The following ATP1A1 variants were observed in gnomAD, a reference collection of about 807,000 sequenced individuals.
ATP1A1 encodes sodium/potassium-transporting ATPase subunit alpha-1.
In ATP1A1, 14 loss-of-function variants were observed where a neutral mutation model predicts 114.8. The ratio of observed to expected loss-of-function variants is 0.12; its 90% CI spans 0.08 to 0.19. The LOEUF (loss-of-function observed/expected upper bound fraction) is 0.19, where lower values mean the gene tolerates loss of function less well. Among genes scored for constraint, ATP1A1 ranks in the 10% least tolerant of loss-of-function variants. The pLI is 1.00. For missense variants in ATP1A1, 524 were observed against 1,290.7 expected (o/e 0.41, Z 9.10); for synonymous variants, 471 against 466.3 (o/e 1.01, Z -0.13).
At position 116,395,516 on chromosome 1, in the gene ATP1A1, AAATGTAAGCAAAG is replaced by A. The variant is rs141038499; in HGVS notation, c.1836+232_1836+244del. ...TTTGGAAAGCAATTGTGTAAAAAAG[AAATGTAAGCAAAG>A]TAAAAACAGCAAAAGACTTGAAGTT... On this transcript the variant is annotated intron_variant, in intron 13 of 22. Transcript: ENST00000295598. The surrounding 1 kb of genome is among the most constrained non-coding windows in gnomAD (Gnocchi z 6.4). Among the ~76,000 whole-genome samples, 189 of 152,366 alleles carry A rather than the reference AAATGTAAGCAAAG, an allele frequency of 1.2e-3. 3 individuals carry two copies. The East Asian group carries it at 0.031, about 25-fold the overall frequency.
chr1:116,395,009 T>G lies in ATP1A1; in HGVS notation c.1661-101T>G, dbSNP rs1296110737. 30 of 1,260,598 alleles carry G rather than the reference T, an allele frequency of 2.4e-5. No homozygotes were observed. In the East Asian group the frequency reaches 7.5e-4, roughly 31 times the overall value. 78.1% of individuals were successfully genotyped at this position (1,260,598 alleles called of 1,614,324 possible). On this transcript the variant is annotated intron_variant, in intron 12 of 22. Transcript: ENST00000295598. This position sits in a 1 kb window ranked among gnomAD's most constrained non-coding sequence, Gnocchi z 6.4. ...TATAGACTTTAAAAATTTTCCAAAG[T>G]AAACACTCCAGAGAAAGGTAGGCGG...
In ATP1A1 at chr1:116,398,115, C is replaced by A; in HGVS notation, c.2124+77C>A. 6.4e-7 allele frequency: 1 copy of A among 1,563,212 alleles called. No homozygotes were observed. The highest frequency in any genetic ancestry group is 8.7e-7 in the Non-Finnish European group (1 of 1,147,696). On this transcript the variant is annotated intron_variant, in intron 15 of 22. Coordinates refer to ENST00000295598, the MANE Select transcript of ATP1A1 (RefSeq NM_000701.8). This position sits in a 1 kb window ranked among gnomAD's most constrained non-coding sequence, Gnocchi z 6.1. Reference sequence around the variant, plus strand: ...TGGAGTTCCAGTGGAAACAGAGCAACGGTGATGGATGGATGCATACCTCGC... The same window carrying A: ...TGGAGTTCCAGTGGAAACAGAGCAAAGGTGATGGATGGATGCATACCTCGC...
Position 116,401,211 on chromosome 1 carries a change from T to C in ATP1A1, c.2800T>C (p.Leu934=), listed in dbSNP as rs773902417. Residue 934 remains leucine, a synonymous_variant, in exon 20 of 23, where the codon TTG becomes CTG. Coordinates refer to ENST00000295598, the MANE Select transcript of ATP1A1 (RefSeq NM_000701.8). This position sits in a 1 kb window ranked among gnomAD's most constrained non-coding sequence, Gnocchi z 4.7. ...TATCGTGGTGGTGCAGTGGGCCGAC[T>C]TGGTCATCTGTAAGACCAGGAGGAA... ...VSIVVVQWAD[L]VICKTRRNSV... 2.2e-5 allele frequency: 35 copies of C among 1,614,088 alleles called. No homozygotes were observed. In the South Asian group the frequency reaches 3.3e-4, roughly 15 times the overall value.
chr1:116,402,875 G>A (rs1203433975), intron 21 of ATP1A1, among the ~76,000 whole-genome samples: 1 of 152,152 alleles, frequency 6.6e-6, no homozygotes, highest in East Asian at 1.9e-4. Flanking sequence ...TAGAAGGCAT[G>A]GGCCACAGTG....
At chr1:116,379,566 A>G (rs992463586) in intron 1 of ATP1A1, among the ~76,000 whole-genome samples, 1 of 152,228 alleles carries the variant, frequency 6.6e-6, no homozygotes, top group African/African-American at 2.4e-5. Context: ...ACTGGGCTAG[A>G]TCATTTCTTG....
At position 116,395,174 on chromosome 1, in the gene ATP1A1, T is replaced by C. The variant is rs781725995; in HGVS notation, c.1725T>C (p.Asp575=). Residue 575 remains aspartate, a synonymous_variant, in exon 13 of 23, where the codon GAT becomes GAC. Coordinates refer to ENST00000295598, the MANE Select transcript of ATP1A1 (RefSeq NM_000701.8). This position sits in a 1 kb window ranked among gnomAD's most constrained non-coding sequence, Gnocchi z 6.4. ...AAGGGTTCCAGTTTGACACTGACGATGTGAATTTCCCTATCGATAATCTGT... is the reference window on the plus strand; with the variant it reads ...AAGGGTTCCAGTTTGACACTGACGACGTGAATTTCCCTATCGATAATCTGT... ...FPEGFQFDTD[D]VNFPIDNLCF... The C allele has an allele frequency of 3.1e-6, 5 of 1,614,176 alleles. No homozygotes were observed. The highest frequency in any genetic ancestry group is 4.5e-5 in the East Asian group (2 of 44,880).
rs1034314320 is a variant in ATP1A1 at position 116,388,904 on chromosome 1, G to A, written c.639G>A (p.Val213=). 3 of 1,613,940 alleles carry A rather than the reference G, an allele frequency of 1.9e-6. No individual in the cohort carries two copies. Among genetic ancestry groups the A allele is most frequent in the Admixed American group, 1.7e-5 (1 of 59,996 alleles). ...LRIISANGCK[V]DNSSLTGESE... is the part of the protein sequence containing the mutation. ...TTTCTTCTTTTCCTCACATATAGGTGGATAACTCCTCGCTCACTGGTGAAT... is the reference window on the plus strand; with the variant it reads ...TTTCTTCTTTTCCTCACATATAGGTAGATAACTCCTCGCTCACTGGTGAAT... The change falls in exon 7 of 23, where the codon GTG becomes GTA. Residue 213 remains valine, a splice_region_variant and synonymous_variant. Coordinates refer to ENST00000295598, the MANE Select transcript of ATP1A1 (RefSeq NM_000701.8). The surrounding 1 kb of genome is among the most constrained non-coding windows in gnomAD (Gnocchi z 5.6).
intron 8 of ATP1A1, 117 bp from the exon 9 acceptor site, chr1:116,390,096 A>C: frequency 2.8e-6 from 3 of 1,070,722 alleles, no homozygotes; most frequent in Non-Finnish European, 4.1e-6. Flanking sequence ...CAAACTTCAG[A>C]AGAAGGTTGG....
chr1:116,375,726 A>T (rs1651320634), intron 1 of ATP1A1, among the ~76,000 whole-genome samples: 2 of 152,162 alleles, frequency 1.3e-5, no homozygotes, highest in Non-Finnish European at 2.9e-5. Flanking sequence ...AGAATATTTC[A>T]TGTTGGGATT....
rs1653111560 is a variant in ATP1A1 at position 116,398,364 on chromosome 1, A to T, written c.2125-257A>T. On this transcript the variant is annotated intron_variant, in intron 15 of 22. Transcript: ENST00000295598. This position sits in a 1 kb window ranked among gnomAD's most constrained non-coding sequence, Gnocchi z 6.1. ...TGCATACAGGAATGGCATTTTCTGG[A>T]GTGCCACCCACCAGAGTCATTACTT... is the stretch of plus-strand genomic sequence containing the variant. 6.6e-6 allele frequency among the ~76,000 whole-genome samples: 1 copy of T among 152,124 alleles called. No homozygotes were observed. Among genetic ancestry groups the T allele is most frequent in the African/African-American group, 2.4e-5 (1 of 41,428 alleles).
At position 116,396,854 on chromosome 1, in the gene ATP1A1, T is replaced by C. The variant is rs370916414; in HGVS notation, c.1973+120T>C. 7 of 1,263,996 alleles carry C rather than the reference T, an allele frequency of 5.5e-6. No individual in the cohort carries two copies. The African/African-American group carries it at 7.7e-5, about 14-fold the overall frequency. The allele number at this position is 1,263,996 out of a possible 1,614,324, so 78.3% of individuals were successfully genotyped here. ...GCTTGCTCTGAGTAGGAAATGTACC[T>C]GCACTGCCAGAAAGCAACCTTGTCA... On this transcript the variant is annotated intron_variant, in intron 14 of 22. Transcript: ENST00000295598.
chr1:116,404,037 T>A lies in ATP1A1; in HGVS notation c.3043+62T>A, dbSNP rs1444253804. On this transcript the variant is annotated intron_variant, in intron 22 of 22. Coordinates refer to ENST00000295598, the MANE Select transcript of ATP1A1 (RefSeq NM_000701.8). The surrounding 1 kb of genome is among the most constrained non-coding windows in gnomAD (Gnocchi z 4.8). ...GTGGGAGGGGCTATAGTTCTATTGG[T>A]TTTTTGTTTCCCTCAAGGTGTCTAG... 11 of 1,531,670 alleles carry A rather than the reference T, an allele frequency of 7.2e-6. No individual in the cohort carries two copies. Among genetic ancestry groups the A allele is most frequent in the Admixed American group, 7.1e-5 (4 of 56,710 alleles). 94.9% of individuals were successfully genotyped at this position (1,531,670 alleles called of 1,614,324 possible).
At chr1:116,400,812 G>A in intron 18 of ATP1A1, 49 bp from the exon 19 acceptor site, 5 of 1,603,272 alleles carry the variant, frequency 3.1e-6, no homozygotes, top group Non-Finnish European at 4.2e-6. Context: ...GGCTATACAG[G>A]TACCCTTGTG....
In ATP1A1 at chr1:116,389,787, A is replaced by G. The variant is rs1393977180; in HGVS notation, c.1023+80A>G. On this transcript the variant is annotated intron_variant, in intron 8 of 22. Coordinates refer to ENST00000295598, the MANE Select transcript of ATP1A1 (RefSeq NM_000701.8). The surrounding 1 kb of genome is among the most constrained non-coding windows in gnomAD (Gnocchi z 6.9). Reference sequence around the variant, plus strand: ...CTCTTCCGCTATCCTATTCTAAGGTATTGCCAACTTATGTTTTATTCTGGA... The same window carrying G: ...CTCTTCCGCTATCCTATTCTAAGGTGTTGCCAACTTATGTTTTATTCTGGA... 9.7e-6 allele frequency: 15 copies of G among 1,554,012 alleles called. No homozygotes were observed.
chr1:116,401,578 CTT>C lies in ATP1A1; in HGVS notation c.2876_2877del (p.Phe959Ter). 6.2e-7 allele frequency: 1 copy of C among 1,614,200 alleles called. No individual in the cohort carries two copies. The highest frequency in any genetic ancestry group is 8.5e-7 in the Non-Finnish European group (1 of 1,180,028). On this transcript the variant is annotated frameshift_variant, in exon 21 of 23. Coordinates refer to ENST00000295598, the MANE Select transcript of ATP1A1 (RefSeq NM_000701.8). LOFTEE classifies it high-confidence loss of function. The surrounding 1 kb of genome is among the most constrained non-coding windows in gnomAD (Gnocchi z 4.7). ...MKNKILIFGLFEETALAAFLS... is the reference protein window; with the variant it reads ...MKNKILIFGLXEETALAAFLS... ...GGAACAAGATCTTGATATTTGGCCT[CTT>C]TGAAGAGACAGCCCTGGCTGCTTTC...
chr1:116,404,117 A>G lies in ATP1A1; in HGVS notation c.3043+142A>G, dbSNP rs1158412862. The stretch of plus-strand genomic sequence containing the variant: ...AGGTGACTGGACCAGCAAACTGACC[A>G]TAGTCACATCTTCAGAATGTAGATC... On this transcript the variant is annotated intron_variant, in intron 22 of 22. Transcript: ENST00000295598. The surrounding 1 kb of genome is among the most constrained non-coding windows in gnomAD (Gnocchi z 4.8). 7.4e-6 allele frequency: 6 copies of G among 810,112 alleles called. No individual in the cohort carries two copies. Among genetic ancestry groups the G allele is most frequent in the South Asian group, 6.9e-5 (4 of 57,754 alleles). The allele number at this position is 810,112 out of a possible 1,614,324, so 50.2% of individuals were successfully genotyped here.
intron 10 of ATP1A1, chr1:116,392,370 C>T (rs1463740399): frequency 6.6e-6 from 1 of 152,668 alleles, no homozygotes; most frequent in Non-Finnish European, 1.5e-5. Context: ...TTGACACAGG[C>T]AGCTTGTCCC....
intron 1 of ATP1A1, among the ~76,000 whole-genome samples, chr1:116,375,869 C>T (rs1447869992): frequency 6.6e-6 from 1 of 152,168 alleles, no homozygotes; most frequent in African/African-American, 2.4e-5. Context: ...CCTCAGTACC[C>T]TTTGTGGCCT....
Position 116,387,907 on chromosome 1 carries a change from C to T in ATP1A1, c.388-224C>T, listed in dbSNP as rs1302207646. Among the ~76,000 whole-genome samples, 2 of 152,228 alleles carry T rather than the reference C, an allele frequency of 1.3e-5. No individual in the cohort carries two copies. Among genetic ancestry groups the T allele is most frequent in the Admixed American group, 1.3e-4 (2 of 15,288 alleles). ...GCAGGAGAAACTGATGCATCTAGAA[C>T]CTTTCCAAACGTCCAGTTAGTGATC... On this transcript the variant is annotated intron_variant, in intron 4 of 22. Transcript: ENST00000295598. This position sits in a 1 kb window ranked among gnomAD's most constrained non-coding sequence, Gnocchi z 6.7.
Sources: allele counts gnomAD v4.1 joint callset (sites outside exome capture counted in the v4.1 genomes callset), GRCh38; gene constraint gnomAD v4.1.1; non-coding constraint Gnocchi (gnomAD v3.1); transcripts MANE v1.5; gene names NCBI Gene and HGNC (gene_info 2026-07-23, HGNC 2026-07-21).